Variants in SKAP1 observed in about 807,000 individuals in gnomAD.
SKAP1 encodes src kinase-associated phosphoprotein 1.
SKAP1 carries 44 observed loss-of-function variants against 58.5 expected under a neutral mutation model. That is an observed-to-expected ratio of 0.75 (90% CI 0.59 to 0.97). The LOEUF (loss-of-function observed/expected upper bound fraction) is 0.97, where lower values mean the gene tolerates loss of function less well. SKAP1 is among the 50% of genes least tolerant of loss of function. The pLI is 0.00. For synonymous variants in SKAP1, 127 were observed against 149.7 expected (o/e 0.85, Z 1.11); for missense variants, 390 against 435.2 (o/e 0.90, Z 0.92).
chr17:48,157,468 C>T (rs1199655965), intron 11 of SKAP1, among the ~76,000 whole-genome samples: 1 of 151,212 alleles, frequency 6.6e-6, no homozygotes, highest in Non-Finnish European at 1.5e-5. Flanking sequence ...CTCCTGACCT[C>T]AGGTGATCTG....
intron 3 of SKAP1, among the ~76,000 whole-genome samples, chr17:48,362,752 A>G (rs937976074): frequency 9.2e-5 from 14 of 152,228 alleles, no homozygotes; most frequent in African/African-American, 3.1e-4. Context: ...TAAAAGCATG[A>G]GCCAGAAAAA....
At chr17:48,224,803 G>C (rs918577702) in intron 4 of SKAP1, among the ~76,000 whole-genome samples, 2 of 152,258 alleles carry the variant, frequency 1.3e-5, no homozygotes, top group South Asian at 2.1e-4. Flanking sequence ...TGGCCTTTTG[G>C]GGGAGGGGAG....
intron 1 of SKAP1, among the ~76,000 whole-genome samples, chr17:48,427,691 T>G (rs114239124): frequency 0.018 from 2,192 of 123,446 alleles, 62 homozygotes; most frequent in African/African-American, 0.066. Flanking sequence ...TATAAATAAA[T>G]AAATGCTTAA....
At chr17:48,392,587 G>T (rs143204031) in intron 2 of SKAP1, among the ~76,000 whole-genome samples, 1 of 152,136 alleles carries the variant, frequency 6.6e-6, no homozygotes, top group Non-Finnish European at 1.5e-5. Context: ...TTGGCTGGGC[G>T]TGGTAGCTCA....
At chr17:48,208,867 G>A (rs768547411) in intron 4 of SKAP1, among the ~76,000 whole-genome samples, 8 of 152,178 alleles carry the variant, frequency 5.3e-5, no homozygotes, top group Non-Finnish European at 1.2e-4. Flanking sequence ...ATAATTAGAA[G>A]TGAGAGGCAA....
At chr17:48,310,579 A>C (rs2066209554) in intron 4 of SKAP1, among the ~76,000 whole-genome samples, 1 of 152,242 alleles carries the variant, frequency 6.6e-6, no homozygotes, top group African/African-American at 2.4e-5. Flanking sequence ...CATGCAAAAC[A>C]GTTAATCGAC....
chr17:48,263,425 A>G (rs2065505040), intron 4 of SKAP1, among the ~76,000 whole-genome samples: 1 of 152,242 alleles, frequency 6.6e-6, no homozygotes, highest in Non-Finnish European at 1.5e-5. Context: ...GTCTCTTTAT[A>G]AAAGCAGACA....
chr17:48,145,152 C>T (rs1266455167), intron 11 of SKAP1, among the ~76,000 whole-genome samples: 2 of 152,176 alleles, frequency 1.3e-5, no homozygotes, highest in Non-Finnish European at 2.9e-5. Context: ...TTGTTCTCCT[C>T]ATAAATATTT....
chr17:48,249,883 A>G (rs2143867182), intron 4 of SKAP1, among the ~76,000 whole-genome samples: 2 of 152,076 alleles, frequency 1.3e-5, no homozygotes, highest in South Asian at 4.2e-4. Flanking sequence ...AACAGCACTG[A>G]TAGGGAGCCA....
chr17:48,373,036 G>C (rs2067106267), intron 2 of SKAP1, among the ~76,000 whole-genome samples: 1 of 152,156 alleles, frequency 6.6e-6, no homozygotes, highest in Non-Finnish European at 1.5e-5. Flanking sequence ...TAGCTACTAA[G>C]TGGCAGAACC....
At chr17:48,293,028 AACTT>A (rs2065917531) in intron 4 of SKAP1, among the ~76,000 whole-genome samples, 1 of 152,182 alleles carries the variant, frequency 6.6e-6, no homozygotes, top group Non-Finnish European at 1.5e-5. Context: ...TACGTCGTAA[AACTT>A]AATTAAAGGC....
chr17:48,289,647 GA>G (rs999525540), intron 4 of SKAP1, among the ~76,000 whole-genome samples: 2 of 151,404 alleles, frequency 1.3e-5, no homozygotes, highest in African/African-American at 2.4e-5. Flanking sequence ...GTTCATTACA[GA>G]AAAAAATGAA....
At chr17:48,215,584 G>C (rs1316507874) in intron 4 of SKAP1, among the ~76,000 whole-genome samples, 1 of 152,166 alleles carries the variant, frequency 6.6e-6, no homozygotes, top group Non-Finnish European at 1.5e-5. Context: ...CCTGTTGTGA[G>C]ATATGACTCT....
chr17:48,431,475 C>A (rs1222636348), upstream of SKAP1, among the ~76,000 whole-genome samples: 1 of 152,296 alleles, frequency 6.6e-6, no homozygotes, highest in African/African-American at 2.4e-5. Context: ...CCCTCACCAG[C>A]TTGAGGAATA....
At chr17:48,219,558 T>C (rs1287181030) in intron 4 of SKAP1, among the ~76,000 whole-genome samples, 1 of 152,230 alleles carries the variant, frequency 6.6e-6, no homozygotes, top group East Asian at 1.9e-4. Flanking sequence ...TCAGTTAATG[T>C]TAGTTGCAAA....
intron 2 of SKAP1, 54 bp downstream of exon 2, chr17:48,396,626 T>C: frequency 8.7e-7 from 1 of 1,147,634 alleles, no homozygotes; most frequent in Non-Finnish European, 1.3e-6. Flanking sequence ...TTTTACTGAT[T>C]ATAAATTGTT....
intron 4 of SKAP1, among the ~76,000 whole-genome samples, chr17:48,247,519 G>A (rs1363317193): frequency 1.3e-5 from 2 of 152,054 alleles, no homozygotes; most frequent in Non-Finnish European, 2.9e-5. Context: ...TTTACTCAAT[G>A]ATTTAAAGGT....
At chr17:48,273,667 C>T (rs1039359856) in intron 4 of SKAP1, among the ~76,000 whole-genome samples, 2 of 152,182 alleles carry the variant, frequency 1.3e-5, no homozygotes, top group African/African-American at 2.4e-5. Flanking sequence ...GATCCACCCA[C>T]CTCGGCCCCC....
At chr17:48,140,750 CTTCTTCTTCT>C (rs779885796) in intron 11 of SKAP1, among the ~76,000 whole-genome samples, 48 of 151,012 alleles carry the variant, frequency 3.2e-4, no homozygotes, top group Non-Finnish European at 6.6e-4. Flanking sequence ...TCACTTTCAC[CTTCTTCTTCT>C]TTCTTCTTCT....
Sources: gnomAD v4.1 joint callset for allele counts (sites outside exome capture counted in the v4.1 genomes callset) on GRCh38, gnomAD v4.1.1 for gene constraint, MANE v1.5 for transcripts, NCBI Gene and HGNC (gene_info 2026-07-23, HGNC 2026-07-21) for gene names.